SSBP2: variants seen among roughly 807,000 people sequenced by gnomAD.
The protein encoded by SSBP2 is single stranded DNA binding protein 2.
A neutral mutation model predicts 61.8 loss-of-function variants in SSBP2; 17 were observed. That is an observed-to-expected ratio of 0.28 (90% confidence interval 0.19 to 0.41). SSBP2 has a LOEUF of 0.41. Ranked by LOEUF, SSBP2 falls within the 10% of genes least tolerant of loss-of-function variation. SSBP2 has a pLI of 1.00. For synonymous variants in SSBP2, 139 were observed against 141.3 expected (o/e 0.98, Z 0.12); for missense variants, 310 against 458.7 (o/e 0.68, Z 2.96).
chr5:81,565,969 T>G (rs1259607947), intron 4 of SSBP2, among the ~76,000 whole-genome samples: 1 of 152,188 alleles, frequency 6.6e-6, no homozygotes, highest in Admixed American at 6.5e-5. Context: ...AATAATGCTT[T>G]CATTTCATCA....
chr5:81,560,479 A>T (rs534321019), intron 4 of SSBP2, among the ~76,000 whole-genome samples: 1 of 152,196 alleles, frequency 6.6e-6, no homozygotes, highest in Non-Finnish European at 1.5e-5. Flanking sequence ...GTTTGTAGGG[A>T]AAGTGGGTGT....
At chr5:81,501,783 G>A (rs1190884996) in intron 5 of SSBP2, among the ~76,000 whole-genome samples, 1 of 151,774 alleles carries the variant, frequency 6.6e-6, no homozygotes, top group Admixed American at 6.6e-5. Context: ...AGCCAGGATG[G>A]TCTCGATCTG....
At chr5:81,693,988 G>C (rs1439218270) in intron 1 of SSBP2, among the ~76,000 whole-genome samples, 1 of 151,834 alleles carries the variant, frequency 6.6e-6, no homozygotes, top group Non-Finnish European at 1.5e-5. Flanking sequence ...GAATGAAGTA[G>C]GCCATAAAAA....
intron 4 of SSBP2, among the ~76,000 whole-genome samples, chr5:81,545,319 G>A (rs909534812): frequency 6.6e-6 from 1 of 152,090 alleles, no homozygotes. Context: ...GTGACATAAG[G>A]TAAGAAATAA....
intron 3 of SSBP2, among the ~76,000 whole-genome samples, chr5:81,619,486 C>T (rs1746345121): frequency 2.3e-5 from 3 of 132,420 alleles, no homozygotes; most frequent in South Asian, 5.3e-4. Context: ...AAAAAGAGTC[C>T]AGGACCAGAT....
At chr5:81,494,387 A>T (rs1176014509) in intron 5 of SSBP2, among the ~76,000 whole-genome samples, 5 of 152,232 alleles carry the variant, frequency 3.3e-5, no homozygotes, top group Admixed American at 1.3e-4. Context: ...TGTGTATGCT[A>T]CGGACTGAAT....
chr5:81,712,668 C>A (rs892661574), intron 1 of SSBP2, among the ~76,000 whole-genome samples: 1 of 151,004 alleles, frequency 6.6e-6, no homozygotes, highest in African/African-American at 2.4e-5. Context: ...GTTGAACTTA[C>A]ATTTACAGGC....
intron 4 of SSBP2, among the ~76,000 whole-genome samples, chr5:81,612,621 C>CTT (rs1745561637): frequency 6.6e-6 from 1 of 151,974 alleles, no homozygotes; most frequent in African/African-American, 2.4e-5. Flanking sequence ...TTCATTCAAT[C>CTT]TTATAGATAA....
chr5:81,595,970 A>G (rs1270317542), intron 4 of SSBP2, among the ~76,000 whole-genome samples: 4 of 152,016 alleles, frequency 2.6e-5, no homozygotes, highest in African/African-American at 7.3e-5. Flanking sequence ...CTCTCTCACC[A>G]CTCCTATTCA....
At chr5:81,567,328 T>A (rs1773495378) in intron 4 of SSBP2, among the ~76,000 whole-genome samples, 1 of 152,186 alleles carries the variant, frequency 6.6e-6, no homozygotes, top group Admixed American at 6.5e-5. Flanking sequence ...AAGGGACTAA[T>A]GTAGAGCTCA....
chr5:81,634,734 C>T (rs1208713898), intron 3 of SSBP2, among the ~76,000 whole-genome samples: 1 of 152,194 alleles, frequency 6.6e-6, no homozygotes. Flanking sequence ...TTCCCATGTG[C>T]TATACTCTCT....
chr5:81,589,585 T>C (rs1775336697), intron 4 of SSBP2, among the ~76,000 whole-genome samples: 1 of 152,214 alleles, frequency 6.6e-6, no homozygotes, highest in Admixed American at 6.5e-5. Context: ...TGAGTGAAGA[T>C]CTTAAAATGT....
chr5:81,466,492 C>A (rs1764898957), intron 9 of SSBP2, among the ~76,000 whole-genome samples: 1 of 151,902 alleles, frequency 6.6e-6, no homozygotes, highest in Non-Finnish European at 1.5e-5. Context: ...GTAGTCCCAA[C>A]AAAGCAAAAG....
chr5:81,582,258 C>T (rs1163346653), intron 4 of SSBP2, among the ~76,000 whole-genome samples: 5 of 152,048 alleles, frequency 3.3e-5, no homozygotes, highest in Non-Finnish European at 7.4e-5. Context: ...TTTAACAAGA[C>T]TATGTTTTCT....
At chr5:81,655,993 TAAC>T (rs887581962) in intron 1 of SSBP2, among the ~76,000 whole-genome samples, 2 of 152,168 alleles carry the variant, frequency 1.3e-5, no homozygotes, top group Non-Finnish European at 2.9e-5. Flanking sequence ...TGCATGATTC[TAAC>T]AAAAGGGGTT....
At chr5:81,511,527 A>G (rs1289255458) in intron 5 of SSBP2, among the ~76,000 whole-genome samples, 1 of 152,166 alleles carries the variant, frequency 6.6e-6, no homozygotes, top group Non-Finnish European at 1.5e-5. Context: ...TTCTGTATGT[A>G]TTACTCTGAA....
intron 1 of SSBP2, among the ~76,000 whole-genome samples, chr5:81,719,215 G>C (rs183213711): frequency 7.9e-5 from 12 of 152,188 alleles, no homozygotes; most frequent in African/African-American, 2.4e-4. Flanking sequence ...TTTTCAAATC[G>C]TAAGGAGCAG....
intron 4 of SSBP2, among the ~76,000 whole-genome samples, chr5:81,519,327 G>C (rs1190660561): frequency 1.3e-5 from 2 of 152,070 alleles, no homozygotes; most frequent in African/African-American, 4.8e-5. Context: ...AACACTTCAT[G>C]TCACTGAAAT....
intron 3 of SSBP2, among the ~76,000 whole-genome samples, chr5:81,633,898 G>A (rs990720798): frequency 5.5e-4 from 83 of 152,244 alleles, no homozygotes; most frequent in African/African-American, 1.9e-3. Context: ...CTTACTGCAC[G>A]AGCCTTCTAA....
Sources: allele counts gnomAD v4.1 joint callset (sites outside exome capture counted in the v4.1 genomes callset), GRCh38; gene constraint gnomAD v4.1.1; transcripts MANE v1.5; gene names NCBI Gene and HGNC (gene_info 2026-07-23, HGNC 2026-07-21).